ANO4: variants seen among roughly 807,000 people sequenced by gnomAD.
The protein encoded by ANO4 is anoctamin 4.
Under a neutral mutation model 141.9 loss-of-function variants are expected in ANO4, and 69 were observed. The ratio of observed to expected loss-of-function variants is 0.49; its 90% CI spans 0.40 to 0.59. The LOEUF is 0.59. Ranked by LOEUF, ANO4 falls within the 20% of genes least tolerant of loss-of-function variation. The probability of loss-of-function intolerance (pLI) is 0.00; values close to 1 mark genes in which losing one functional copy is unlikely to be tolerated. For missense variants in ANO4, 894 were observed against 1,162.2 expected (o/e 0.77, Z 3.36); for synonymous variants, 350 against 394.3 (o/e 0.89, Z 1.33).
At chr12:100,939,551 T>C in intron 4 of ANO4, 100 bp downstream of exon 4, 2 of 1,264,332 alleles carry the variant, frequency 1.6e-6, no homozygotes, top group Non-Finnish European at 2.1e-6. Flanking sequence ...CTCATTGAAC[T>C]GTAGGCTCTT....
rs1439932616 is a variant in ANO4, at chr12:101,020,126, GA to G, written c.833del (p.Asn278ThrfsTer5). ...TTACAAAGAATAAAATATGAAGAAGGAAAAAACAAGATTGGTAAGTAGTATG... is the reference window on the plus strand; with the variant it reads ...TTACAAAGAATAAAATATGAAGAAGGAAAAACAAGATTGGTAAGTAGTATG... ...HILQRIKYEE[G>X]KNKIGLNRLL... On this transcript the variant is annotated frameshift_variant, in exon 9 of 28. Coordinates refer to ENST00000392977, the MANE Select transcript of ANO4 (RefSeq NM_001286615.2). LOFTEE classifies it high-confidence loss of function. 1.9e-6 allele frequency: 3 copies of G among 1,602,376 alleles called. No homozygotes were observed. The highest frequency in any genetic ancestry group is 1.3e-5 in the African/African-American group (1 of 74,398).
intron 2 of ANO4, among the ~76,000 whole-genome samples, chr12:100,917,354 T>C (rs1483609944): frequency 6.6e-6 from 1 of 152,212 alleles, no homozygotes; most frequent in Non-Finnish European, 1.5e-5. Flanking sequence ...CTATAGTATC[T>C]TTACCATCTT....
rs1169413418 is a variant in ANO4 at position 101,063,124 on chromosome 12, C to T, written c.1312+14723C>T. ...CACAGCACAGTCCCTCAGGGCTTCT[C>T]TTGGCTAGGGGAGGGAGTTCCCCGA... On this transcript the variant is annotated intron_variant, in intron 14 of 27. Transcript: ENST00000392977. Among the ~76,000 whole-genome samples the T allele has an allele frequency of 3.3e-5, 5 of 152,216 alleles. No individual in the cohort carries two copies. The East Asian group carries it at 7.7e-4, about 23-fold the overall frequency.
intron 1 of ANO4, among the ~76,000 whole-genome samples, chr12:100,864,692 A>AT (rs1387872697): frequency 1.3e-5 from 2 of 152,198 alleles, no homozygotes; most frequent in South Asian, 2.1e-4. Flanking sequence ...CAAAATCGGC[A>AT]TTTTTTATTA....
At chr12:100,762,864 A>T (rs1441213333) in intron 3 of ANO4, among the ~76,000 whole-genome samples, 1 of 152,142 alleles carries the variant, frequency 6.6e-6, no homozygotes. Context: ...TTCGCTGCTG[A>T]GTCCTCAGCA....
In ANO4 at chr12:101,086,680, C is replaced by T. The variant is rs146719285; in HGVS notation, c.1557C>T (p.Ala519=). 4.8e-5 allele frequency: 78 copies of T among 1,613,622 alleles called. No homozygotes were observed. In the African/African-American group the frequency reaches 5.3e-4, roughly 11 times the overall value. Residue 519 remains alanine (A), a synonymous_variant, in exon 17 of 28, where the codon GCC becomes GCT. Coordinates refer to ENST00000392977, the MANE Select transcript of ANO4 (RefSeq NM_001286615.2). ...GCCAGATCTGCGTGGTGATTGCTGC[C>T]GTGTTCGGGATCGTCATTTACCGGG... The part of the protein sequence containing the change: ...IFFMICVVIA[A]VFGIVIYRVV...
intron 14 of ANO4, among the ~76,000 whole-genome samples, chr12:101,062,387 T>A (rs2048387350): frequency 6.6e-6 from 1 of 152,226 alleles, no homozygotes; most frequent in East Asian, 1.9e-4. Context: ...GGAGGTAGTC[T>A]GTCCCTTAGC....
rs140466759 is a variant in ANO4, at chr12:100,863,602, A to G, written c.-140-38044A>G. 5.6e-3 allele frequency among the ~76,000 whole-genome samples: 858 copies of G among 152,290 alleles called. 13 individuals are homozygous for G. Among genetic ancestry groups the G allele is most frequent in the African/African-American group, 0.02 (819 of 41,554 alleles). On this transcript the variant is annotated intron_variant, in intron 1 of 27. Transcript: ENST00000392977. ...CAATTAGAATAAAGTTTATTTATAG[A>G]TAAGTAAAAGGGCTAACTTAGTATA...
chr12:101,048,350 C>T lies in ANO4; in HGVS notation c.1261C>T (p.Leu421Phe), dbSNP rs769484364. 10 of 1,613,710 alleles carry T rather than the reference C, an allele frequency of 6.2e-6. No individual in the cohort carries two copies. Among genetic ancestry groups the T allele is most frequent in the Non-Finnish European group, 8.5e-6 (10 of 1,179,764 alleles). ...TTCTTATTATTCACAGGTAACCCACCTTTTTGACAATGGAGCCACTGTCTT... is the reference window on the plus strand; with the variant it reads ...TTCTTATTATTCACAGGTAACCCACTTTTTTGACAATGGAGCCACTGTCTT... ...DSCVYAKVTH[L>F]FDNGATVFFA... The change falls in exon 14 of 28, where the codon CTT becomes TTT. Residue 421 changes from leucine (L) to phenylalanine (F), a missense_variant. By Grantham distance (22) the Leu-to-Phe change is conservative. Transcript: ENST00000392977.
In ANO4 at chr12:100,848,240, A is replaced by C. The variant is rs58568266; in HGVS notation, c.-141+53213A>C. 5.0e-4 allele frequency among the ~76,000 whole-genome samples: 76 copies of C among 152,154 alleles called. 1 individual carries two copies. The South Asian group carries it at 0.011, about 21-fold the overall frequency. On this transcript the variant is annotated intron_variant, in intron 1 of 27. Coordinates refer to ENST00000392977, the MANE Select transcript of ANO4 (RefSeq NM_001286615.2). ...TGCTTTCTCTGTCTCTGGTGTTGGG[A>C]TAGCCCAATAAAACCAACTTTCTTC... is the stretch of plus-strand genomic sequence containing the variant.
At chr12:101,000,563 C>A (rs1163168216) in intron 8 of ANO4, among the ~76,000 whole-genome samples, 1 of 152,122 alleles carries the variant, frequency 6.6e-6, no homozygotes, top group Non-Finnish European at 1.5e-5. Context: ...TCTCTGAACA[C>A]TTATTTTATT....
At chr12:100,964,239 G>A (rs2043550285) in intron 5 of ANO4, among the ~76,000 whole-genome samples, 3 of 152,170 alleles carry the variant, frequency 2.0e-5, no homozygotes, top group Admixed American at 2.0e-4. Context: ...AGACTGCATT[G>A]ATGAGAACCA....
chr12:100,938,579 C>G (rs2042382079), intron 3 of ANO4, among the ~76,000 whole-genome samples: 1 of 152,206 alleles, frequency 6.6e-6, no homozygotes, highest in Non-Finnish European at 1.5e-5. Flanking sequence ...CCATATCTTT[C>G]CTCTGCTGGT....
At chr12:101,041,869 C>T (rs2047423511) in intron 11 of ANO4, among the ~76,000 whole-genome samples, 2 of 152,136 alleles carry the variant, frequency 1.3e-5, no homozygotes, top group South Asian at 2.1e-4. Context: ...GGATGAAAAG[C>T]ACAACCAAGC....
intron 1 of ANO4, among the ~76,000 whole-genome samples, chr12:100,894,965 C>CAAAAAAAA: frequency 9.7e-6 from 1 of 102,572 alleles, no homozygotes; most frequent in Admixed American, 1.1e-4. Context: ...GACTCCATCT[C>CAAAAAAAA]AAAAAAAAAA....
chr12:100,773,811 A>G (rs2033388666), intron 3 of ANO4, among the ~76,000 whole-genome samples: 1 of 152,236 alleles, frequency 6.6e-6, no homozygotes, highest in Non-Finnish European at 1.5e-5. Context: ...AGTAAATTTT[A>G]AAATAACCTC....
intron 2 of ANO4, among the ~76,000 whole-genome samples, chr12:100,734,173 G>A (rs180953208): frequency 5.9e-5 from 9 of 152,238 alleles, no homozygotes; most frequent in Admixed American, 1.3e-4. Context: ...TAGTACAATC[G>A]AATTACTTTT....
chr12:100,838,292 G>C (rs2037057392), intron 1 of ANO4, among the ~76,000 whole-genome samples: 1 of 148,290 alleles, frequency 6.7e-6, no homozygotes, highest in Non-Finnish European at 1.5e-5. Flanking sequence ...AGACTGTAAA[G>C]AGCATGGACT....
intron 25 of ANO4, among the ~76,000 whole-genome samples, chr12:101,118,646 CAG>C (rs1177389267): frequency 1.3e-5 from 2 of 152,162 alleles, no homozygotes; most frequent in African/African-American, 4.8e-5. Context: ...AAGTGGTACA[CAG>C]AGCATTGCAG....
Sources: allele counts gnomAD v4.1 joint callset (sites outside exome capture counted in the v4.1 genomes callset), GRCh38; gene constraint gnomAD v4.1.1; transcripts MANE v1.5; gene names NCBI Gene and HGNC (gene_info 2026-07-23, HGNC 2026-07-21).